BBS9: variants seen among roughly 807,000 people sequenced by gnomAD.
The protein encoded by BBS9 is protein PTHB1.
BBS9 carries 89 observed loss-of-function variants against 117.7 expected under a neutral mutation model. The observed-to-expected ratio is 0.76, with a 90% CI of 0.64 to 0.90. The LOEUF is 0.90. Ranked by LOEUF, BBS9 falls within the 40% of genes least tolerant of loss-of-function variation. The pLI is 0.00. For missense variants in BBS9, 982 were observed against 1,042.2 expected, an observed-to-expected ratio of 0.94 and a Z score of 0.80; for synonymous variants, 379 against 370.9, an observed-to-expected ratio of 1.02 and a Z score of -0.25.
chr7:33,187,745 C>A lies in BBS9; in HGVS notation c.442+10154C>A, dbSNP rs372566969. Among the ~76,000 whole-genome samples the A allele has an allele frequency of 3.9e-5, 6 of 151,940 alleles. No homozygotes were observed. In the East Asian group the frequency reaches 9.7e-4, roughly 25 times the overall value. On this transcript the variant is annotated intron_variant, in intron 5 of 22. Transcript: ENST00000242067. ...ACCAGCCTGGCCAACGTGGTAAAAC[C>A]CCATCTCTACTTAAAATACAAAAAA...
chr7:33,237,902 T>C (rs1371551755), intron 5 of BBS9, among the ~76,000 whole-genome samples: 1 of 152,226 alleles, frequency 6.6e-6, no homozygotes, highest in Non-Finnish European at 1.5e-5. Flanking sequence ...TTTCAGTGGA[T>C]AGAAATTGTG....
chr7:33,336,102 A>T (rs75953449), intron 9 of BBS9, among the ~76,000 whole-genome samples: 9,732 of 152,176 alleles, frequency 0.064, 346 homozygotes, highest in East Asian at 0.15. Flanking sequence ...CATGCTTATT[A>T]CGGAAATGCC....
chr7:33,212,245 T>C (rs1788161026), intron 5 of BBS9, among the ~76,000 whole-genome samples: 1 of 152,188 alleles, frequency 6.6e-6, no homozygotes, highest in East Asian at 1.9e-4. Flanking sequence ...CTTGTAGACA[T>C]GCTTCATTTT....
chr7:33,265,667 A>T lies in BBS9; in HGVS notation c.702+1293A>T, dbSNP rs1401215592. 3.3e-5 allele frequency among the ~76,000 whole-genome samples: 5 copies of T among 152,226 alleles called. No homozygotes were observed. The South Asian group carries it at 1.0e-3, about 32-fold the overall frequency. On this transcript the variant is annotated intron_variant, in intron 7 of 22. Coordinates refer to ENST00000242067, the MANE Select transcript of BBS9 (RefSeq NM_198428.3). ...CGAGAGCAGCCTGGCCAACATGGAG[A>T]AACCCCATCTCCACTAAAATACAAA...
intron 5 of BBS9, among the ~76,000 whole-genome samples, chr7:33,214,140 G>A (rs979765945): frequency 6.6e-6 from 1 of 152,224 alleles, no homozygotes; most frequent in Non-Finnish European, 1.5e-5. Context: ...GGCGAGGCCT[G>A]TTGAGAAATT....
At chr7:33,408,990 G>A (rs1584713348) in intron 19 of BBS9, among the ~76,000 whole-genome samples, 1 of 152,106 alleles carries the variant, frequency 6.6e-6, no homozygotes, top group East Asian at 1.9e-4. Context: ...TATGTTTGTT[G>A]GCTAATTATA....
At chr7:33,277,324 G>A (rs1225779335) in intron 9 of BBS9, among the ~76,000 whole-genome samples, 1 of 152,142 alleles carries the variant, frequency 6.6e-6, no homozygotes, top group African/African-American at 2.4e-5. Flanking sequence ...CCTAAGAAGA[G>A]CCCCATATTT....
intron 11 of BBS9, among the ~76,000 whole-genome samples, chr7:33,343,814 G>T (rs1305809200): frequency 6.6e-6 from 1 of 151,766 alleles, no homozygotes; most frequent in Non-Finnish European, 1.5e-5. Flanking sequence ...TTATTTTATG[G>T]GTGTAAGGCC....
intron 5 of BBS9, among the ~76,000 whole-genome samples, chr7:33,237,119 C>A (rs1793668947): frequency 1.3e-5 from 2 of 152,070 alleles, no homozygotes; most frequent in Non-Finnish European, 2.9e-5. Context: ...CTTTTCATTT[C>A]CCTTCTGCAG....
chr7:33,168,614 TGTC>T (rs1244648234), intron 4 of BBS9, among the ~76,000 whole-genome samples: 1 of 152,170 alleles, frequency 6.6e-6, no homozygotes, highest in Admixed American at 6.5e-5. Flanking sequence ...TTATCTAATC[TGTC>T]TTCTCTTAAC....
intron 19 of BBS9, among the ~76,000 whole-genome samples, chr7:33,413,673 G>A (rs1209255156): frequency 6.6e-6 from 1 of 152,100 alleles, no homozygotes; most frequent in Admixed American, 6.5e-5. Flanking sequence ...ACAGAATGTG[G>A]ATATGAGGAG....
chr7:33,189,529 T>TA lies in BBS9; in HGVS notation c.442+11939dup, dbSNP rs1200658014. ...GGAAAAAAAAGAAAAGGAAAAGAAA[T>TA]ACTTTATTAGAAATTATCACTATTA... On this transcript the variant is annotated intron_variant, in intron 5 of 22. Coordinates refer to ENST00000242067, the MANE Select transcript of BBS9 (RefSeq NM_198428.3). Among the ~76,000 whole-genome samples, 6 of 152,130 alleles carry TA rather than the reference T, an allele frequency of 3.9e-5. 1 individual carries two copies. Among genetic ancestry groups the TA allele is most frequent in the African/African-American group, 1.4e-4 (6 of 41,482 alleles).
intron 19 of BBS9, among the ~76,000 whole-genome samples, chr7:33,499,291 G>C (rs966186651): frequency 3.9e-5 from 6 of 152,142 alleles, no homozygotes; most frequent in African/African-American, 1.4e-4. Context: ...GATGAAACTA[G>C]AGCCCAGAAA....
intron 19 of BBS9, among the ~76,000 whole-genome samples, chr7:33,505,229 G>A (rs542317177): frequency 6.6e-5 from 10 of 152,018 alleles, no homozygotes; most frequent in African/African-American, 2.4e-4. Context: ...AGCTTATTTT[G>A]TGGATATTTT....
chr7:33,519,156 C>T (rs529839887), intron 20 of BBS9, among the ~76,000 whole-genome samples: 2 of 152,240 alleles, frequency 1.3e-5, no homozygotes, highest in South Asian at 4.2e-4. Context: ...TATTTTTAGA[C>T]ACGTTTTTCC....
At chr7:33,369,854 T>C (rs1822523851) in intron 17 of BBS9, among the ~76,000 whole-genome samples, 1 of 152,190 alleles carries the variant, frequency 6.6e-6, no homozygotes, top group Non-Finnish European at 1.5e-5. Context: ...GCAATCTGCT[T>C]TACAGAAAAA....
intron 9 of BBS9, among the ~76,000 whole-genome samples, chr7:33,317,998 G>A (rs1019158920): frequency 1.3e-5 from 2 of 152,124 alleles, no homozygotes; most frequent in African/African-American, 4.8e-5. Context: ...GTTGCAGTGA[G>A]TCGAGATCAC....
chr7:33,512,385 G>C (rs11981868), intron 20 of BBS9, among the ~76,000 whole-genome samples: 2,975 of 152,214 alleles, frequency 0.02, 75 homozygotes, highest in African/African-American at 0.054. Context: ...GGACACATTT[G>C]GTATTTATGC....
At chr7:33,221,777 T>A (rs763383584) in intron 5 of BBS9, among the ~76,000 whole-genome samples, 5 of 152,196 alleles carry the variant, frequency 3.3e-5, no homozygotes, top group African/African-American at 7.2e-5. Context: ...CATTGAGGTA[T>A]GTGGCAAGTT....
Sources: allele counts gnomAD v4.1 joint callset (sites outside exome capture counted in the v4.1 genomes callset), GRCh38; gene constraint gnomAD v4.1.1; transcripts MANE v1.5; gene names NCBI Gene and HGNC (gene_info 2026-07-23, HGNC 2026-07-21).